Variants in CLVS1 observed in about 807,000 individuals in gnomAD.
The protein encoded by CLVS1 is clavesin 1, also known as clavesin-1.
CLVS1 carries 10 observed loss-of-function variants against 33.1 expected under a neutral mutation model. The observed-to-expected ratio is 0.30, with a 90% confidence interval of 0.19 to 0.51. The LOEUF is 0.51. Ranked by LOEUF, CLVS1 falls within the 20% of genes least tolerant of loss-of-function variation. The pLI, the probability that CLVS1 is intolerant of heterozygous loss-of-function variation, is 0.97. For missense variants in CLVS1, 343 were observed against 433.4 expected, an observed-to-expected ratio of 0.79 and a Z score of 1.85; for synonymous variants, 163 against 166.1, an observed-to-expected ratio of 0.98 and a Z score of 0.14.
the CLVS1 span, among the ~76,000 whole-genome samples, chr8:61,023,724 C>T: frequency 6.6e-6 from 1 of 152,194 alleles, no homozygotes; most frequent in African/African-American, 2.4e-5. Context: ...GGAGGCTGCG[C>T]GCCGGCCCCA....
chr8:61,310,672 A>G (rs1810800270), intron 2 of CLVS1, among the ~76,000 whole-genome samples: 1 of 152,304 alleles, frequency 6.6e-6, no homozygotes, highest in East Asian at 1.9e-4. Flanking sequence ...TCCTTACCCA[A>G]TGTCTGCCCT....
chr8:61,383,786 G>T (rs1813977702), intron 3 of CLVS1, among the ~76,000 whole-genome samples: 1 of 152,160 alleles, frequency 6.6e-6, no homozygotes, highest in Non-Finnish European at 1.5e-5. Flanking sequence ...TTGATAAATG[G>T]TGTTTTCAGA....
At chr8:61,170,547 G>A (rs533084567) in intron 2 of CLVS1, among the ~76,000 whole-genome samples, 14 of 152,210 alleles carry the variant, frequency 9.2e-5, no homozygotes, top group African/African-American at 2.6e-4. Flanking sequence ...TTGAGGCAAC[G>A]TGGCCCTTAA....
intron 2 of CLVS1, among the ~76,000 whole-genome samples, chr8:61,342,697 C>T (rs1169417940): frequency 6.6e-6 from 1 of 152,100 alleles, no homozygotes; most frequent in African/African-American, 2.4e-5. Flanking sequence ...TGTGGTGCCT[C>T]GGAAAGGCTG....
chr8:61,162,593 A>G (rs963106265), intron 2 of CLVS1, among the ~76,000 whole-genome samples: 2 of 152,240 alleles, frequency 1.3e-5, no homozygotes, highest in East Asian at 1.9e-4. Flanking sequence ...ATTTAGATTA[A>G]TAGGGGAAAA....
chr8:61,188,480 G>T (rs1046101646), intron 2 of CLVS1, among the ~76,000 whole-genome samples: 5 of 139,536 alleles, frequency 3.6e-5, no homozygotes, highest in Non-Finnish European at 8.0e-5. Flanking sequence ...TAACTAAAAT[G>T]ATCAAAAACA....
chr8:61,064,787 T>C (rs894152301), intron 1 of CLVS1, among the ~76,000 whole-genome samples: 1 of 151,950 alleles, frequency 6.6e-6, no homozygotes, highest in Non-Finnish European at 1.5e-5. Context: ...CTGCAAGCTC[T>C]GCCTCCCGGG....
intron 2 of CLVS1, among the ~76,000 whole-genome samples, chr8:61,139,196 C>T (rs1305074068): frequency 1.3e-5 from 2 of 152,030 alleles, no homozygotes; most frequent in Non-Finnish European, 2.9e-5. Context: ...GCCGGTGGCG[C>T]CGGCTGCCAG....
intron 2 of CLVS1, among the ~76,000 whole-genome samples, chr8:61,152,744 G>T (rs550561586): frequency 2.6e-5 from 4 of 152,226 alleles, no homozygotes; most frequent in Admixed American, 6.5e-5. Context: ...TTTTGGAGGG[G>T]ATATAAACAT....
chr8:61,166,676 C>G (rs543591273), intron 2 of CLVS1, among the ~76,000 whole-genome samples: 1 of 151,972 alleles, frequency 6.6e-6, no homozygotes, highest in African/African-American at 2.4e-5. Context: ...TTTCTCTGTG[C>G]CTTTTGAGGT....
chr8:61,260,796 G>A (rs939445911), intron 2 of CLVS1, among the ~76,000 whole-genome samples: 34 of 152,186 alleles, frequency 2.2e-4, no homozygotes, highest in Non-Finnish European at 3.4e-4. Context: ...CTCCCCAGAG[G>A]AAACAAGGAA....
chr8:61,338,420 G>A (rs2129597928), intron 2 of CLVS1, among the ~76,000 whole-genome samples: 1 of 152,100 alleles, frequency 6.6e-6, no homozygotes, highest in Admixed American at 6.5e-5. Flanking sequence ...AACATTTCTG[G>A]GCCTCACCCC....
At chr8:61,003,610 C>T in the CLVS1 span, among the ~76,000 whole-genome samples, 1 of 152,230 alleles carries the variant, frequency 6.6e-6, no homozygotes, top group East Asian at 1.9e-4. Flanking sequence ...TGGTAGAATC[C>T]TGAACTGGTC....
chr8:61,048,972 T>G, the CLVS1 span, among the ~76,000 whole-genome samples: 236 of 152,298 alleles, frequency 1.5e-3, 1 homozygote, highest in Non-Finnish European at 2.9e-3. Context: ...CATAAAAAAT[T>G]AAATACCCTG....
At chr8:61,033,145 AAG>A in the CLVS1 span, among the ~76,000 whole-genome samples, 2 of 122,310 alleles carry the variant, frequency 1.6e-5, no homozygotes, top group African/African-American at 5.9e-5. Context: ...GAAAGAAAGA[AAG>A]AAAGAAAGAA....
At chr8:61,100,878 T>C (rs60634217) in intron 1 of CLVS1, among the ~76,000 whole-genome samples, 30,526 of 152,094 alleles carry the variant, frequency 0.2, 3,206 homozygotes, top group Admixed American at 0.3. Flanking sequence ...TGAAGGTTGA[T>C]CCATGGTGTA....
chr8:61,292,925 C>T (rs1810049472), intron 1 of CLVS1, among the ~76,000 whole-genome samples: 1 of 152,160 alleles, frequency 6.6e-6, no homozygotes, highest in African/African-American at 2.4e-5. Flanking sequence ...GGTCCTTCTT[C>T]CCTGAGTTGC....
intron 3 of CLVS1, among the ~76,000 whole-genome samples, chr8:61,403,670 G>C (rs927251388): frequency 6.6e-6 from 1 of 152,174 alleles, no homozygotes; most frequent in African/African-American, 2.4e-5. Context: ...AAAGGATGGG[G>C]ACAAGAGTGA....
At chr8:61,214,104 G>A (rs200134217) in intron 2 of CLVS1, among the ~76,000 whole-genome samples, 5 of 152,186 alleles carry the variant, frequency 3.3e-5, no homozygotes, top group East Asian at 3.9e-4. Flanking sequence ...TGGTCAGACC[G>A]GTTGCTCTCA....
Sources: allele counts gnomAD v4.1 joint callset (sites outside exome capture counted in the v4.1 genomes callset), GRCh38; gene constraint gnomAD v4.1.1; transcripts MANE v1.5; gene names NCBI Gene and HGNC (gene_info 2026-07-23, HGNC 2026-07-21).